Variants in DPP6 observed in about 807,000 individuals in gnomAD.
DPP6 encodes A-type potassium channel modulatory protein DPP6.
In DPP6, 69 loss-of-function variants were observed where a neutral mutation model predicts 122.6. The observed-to-expected ratio is 0.56, with a 90% CI of 0.46 to 0.69. The LOEUF (loss-of-function observed/expected upper bound fraction) is 0.69, where lower values mean the gene tolerates loss of function less well. Among genes scored for constraint, DPP6 ranks in the 30% least tolerant of loss-of-function variants. The pLI is 0.00. For missense variants in DPP6, 928 were observed against 1,116.9 expected, an observed-to-expected ratio of 0.83 and a Z score of 2.41; for synonymous variants, 418 against 433.1, an observed-to-expected ratio of 0.97 and a Z score of 0.43.
At chr7:153,829,090 G>A in the DPP6 span, among the ~76,000 whole-genome samples, 1 of 152,176 alleles carries the variant, frequency 6.6e-6, no homozygotes, top group South Asian at 2.1e-4. Context: ...GCAGGCCCAG[G>A]AGCCAGTGTA....
chr7:154,532,074 G>A lies in DPP6; in HGVS notation c.458-8458G>A, dbSNP rs114189713. Among the ~76,000 whole-genome samples the A allele has an allele frequency of 8.7e-3, 1,324 of 152,050 alleles. 20 individuals are homozygous for A. The highest frequency in any genetic ancestry group is 0.03 in the African/African-American group (1,239 of 41,486). On this transcript the variant is annotated intron_variant, in intron 3 of 25. Coordinates refer to ENST00000377770, the MANE Select transcript of DPP6 (RefSeq NM_130797.4). ...AATGGTTTTCTTATATGTGCATATG[G>A]TATATTTAAAGGTTAGACTATATTA...
chr7:154,110,439 G>GA (rs1438660875), intron 1 of DPP6, among the ~76,000 whole-genome samples: 1 of 152,142 alleles, frequency 6.6e-6, no homozygotes, highest in African/African-American at 2.4e-5. Context: ...ATTTCCCCTG[G>GA]AATCTGGTAC....
chr7:154,120,709 G>C (rs1006601825), intron 1 of DPP6, among the ~76,000 whole-genome samples: 2 of 152,208 alleles, frequency 1.3e-5, no homozygotes, highest in African/African-American at 4.8e-5. Context: ...TGAAAATACA[G>C]TTGATTAGAA....
rs893121029 is a variant in DPP6, at chr7:154,698,576, C to G, written c.762+29135C>G. On this transcript the variant is annotated intron_variant, in intron 7 of 25. Coordinates refer to ENST00000377770, the MANE Select transcript of DPP6 (RefSeq NM_130797.4). Reference sequence around the variant, plus strand: ...TTAATTGCATAGCTATTTAAATCAGCATATATTTAATTATATTCTATAGTT... The same window carrying G: ...TTAATTGCATAGCTATTTAAATCAGGATATATTTAATTATATTCTATAGTT... Among the ~76,000 whole-genome samples, 3 of 152,224 alleles carry G rather than the reference C, an allele frequency of 2.0e-5. No individual in the cohort carries two copies. The South Asian group carries it at 6.2e-4, about 32-fold the overall frequency.
intron 2 of DPP6, among the ~76,000 whole-genome samples, chr7:154,458,467 G>A (rs1470078482): frequency 6.6e-6 from 1 of 152,086 alleles, no homozygotes; most frequent in Non-Finnish European, 1.5e-5. Flanking sequence ...CTTCATAGCA[G>A]TATGAAAATG....
chr7:154,196,437 C>G (rs1056346683), intron 1 of DPP6, among the ~76,000 whole-genome samples: 4 of 152,200 alleles, frequency 2.6e-5, no homozygotes, highest in Non-Finnish European at 5.9e-5. Context: ...TTGCAGTGAG[C>G]TGAGATTGTG....
At chr7:154,623,053 T>C (rs1473928160) in intron 5 of DPP6, among the ~76,000 whole-genome samples, 1 of 152,202 alleles carries the variant, frequency 6.6e-6, no homozygotes, top group Non-Finnish European at 1.5e-5. Flanking sequence ...GTCTGGATTG[T>C]CTCCTAGTCT....
intron 8 of DPP6, among the ~76,000 whole-genome samples, chr7:154,738,561 T>C (rs2131402524): frequency 6.6e-6 from 1 of 152,322 alleles, no homozygotes; most frequent in Middle Eastern, 3.4e-3. Flanking sequence ...CCGACCTTTC[T>C]TAGATGAAAA....
At chr7:153,879,193 G>A in the DPP6 span, among the ~76,000 whole-genome samples, 1 of 151,966 alleles carries the variant, frequency 6.6e-6, no homozygotes, top group African/African-American at 2.4e-5. Flanking sequence ...AGATGTGAGT[G>A]GATGAAAAAA....
chr7:154,534,291 A>G (rs1828066934), intron 3 of DPP6, among the ~76,000 whole-genome samples: 1 of 152,198 alleles, frequency 6.6e-6, no homozygotes, highest in Non-Finnish European at 1.5e-5. Context: ...TTCAATGATG[A>G]AAAGTTCAAT....
At position 154,098,860 on chromosome 7, in the gene DPP6, C is replaced by T. The variant is rs182015800; in HGVS notation, c.243+45797C>T. 3.5e-3 allele frequency among the ~76,000 whole-genome samples: 534 copies of T among 152,308 alleles called. 4 individuals carry two copies. Among genetic ancestry groups the T allele is most frequent in the African/African-American group, 0.012 (493 of 41,558 alleles). ...TGATACTTGCACTAGTAAATGTCCA[C>T]TTCTAAATGTCTGTATAAATAAAAC... On this transcript the variant is annotated intron_variant, in intron 1 of 25. Coordinates refer to ENST00000377770, the MANE Select transcript of DPP6 (RefSeq NM_130797.4).
intron 1 of DPP6, among the ~76,000 whole-genome samples, chr7:154,072,940 C>A (rs184533157): frequency 1.3e-5 from 2 of 152,242 alleles, no homozygotes; most frequent in African/African-American, 4.8e-5. Context: ...GGGACCCACA[C>A]GCTCACGCAG....
At chr7:153,769,180 C>T in the DPP6 span, among the ~76,000 whole-genome samples, 1 of 152,164 alleles carries the variant, frequency 6.6e-6, no homozygotes, top group East Asian at 1.9e-4. Context: ...TGATTTTGTA[C>T]ATGAGATTGT....
At chr7:154,563,197 A>G (rs1830537392) in intron 4 of DPP6, among the ~76,000 whole-genome samples, 1 of 152,228 alleles carries the variant, frequency 6.6e-6, no homozygotes, top group Admixed American at 6.5e-5. Flanking sequence ...CATTTCAGGC[A>G]GAAGAAAGAG....
chr7:154,608,677 CT>C (rs1833727892), intron 5 of DPP6, among the ~76,000 whole-genome samples: 1 of 151,964 alleles, frequency 6.6e-6, no homozygotes, highest in East Asian at 1.9e-4. Context: ...CCAGTCATCC[CT>C]GTACTCATTT....
intron 1 of DPP6, among the ~76,000 whole-genome samples, chr7:154,097,952 G>T (rs1805450343): frequency 6.6e-6 from 1 of 152,174 alleles, no homozygotes; most frequent in Non-Finnish European, 1.5e-5. Context: ...TAGTCTTATG[G>T]GTTGTGCTCG....
chr7:154,807,821 C>G (rs567451672), intron 16 of DPP6, among the ~76,000 whole-genome samples: 2 of 152,174 alleles, frequency 1.3e-5, no homozygotes, highest in South Asian at 4.2e-4. Context: ...GACTCCATCT[C>G]AAATGACTAG....
At chr7:153,874,665 T>C in the DPP6 span, among the ~76,000 whole-genome samples, 1 of 152,190 alleles carries the variant, frequency 6.6e-6, no homozygotes, top group Non-Finnish European at 1.5e-5. Context: ...TGTGAGCCAC[T>C]GTGTCTGGCC....
At chr7:154,178,794 T>C (rs1444645714) in intron 1 of DPP6, among the ~76,000 whole-genome samples, 1 of 152,192 alleles carries the variant, frequency 6.6e-6, no homozygotes. Context: ...GAGGGAGAAG[T>C]TGAAGAGCCT....
Sources: gnomAD v4.1 joint callset for allele counts (sites outside exome capture counted in the v4.1 genomes callset) on GRCh38, gnomAD v4.1.1 for gene constraint, MANE v1.5 for transcripts, NCBI Gene and HGNC (gene_info 2026-07-23, HGNC 2026-07-21) for gene names.